DNAJC6: variants seen among roughly 807,000 people sequenced by gnomAD.
DNAJC6 encodes auxilin.
A neutral mutation model predicts 110.0 loss-of-function variants in DNAJC6; 34 were observed. That is an observed-to-expected ratio of 0.31 (90% CI 0.24 to 0.41). DNAJC6 has a LOEUF of 0.41. Among genes scored for constraint, DNAJC6 ranks in the 10% least tolerant of loss-of-function variants. The probability of loss-of-function intolerance (pLI) is 1.00; values close to 1 mark genes in which losing one functional copy is unlikely to be tolerated. For missense variants in DNAJC6, 1,031 were observed against 1,207.8 expected, an observed-to-expected ratio of 0.85 and a Z score of 2.17; for synonymous variants, 406 against 437.2, an observed-to-expected ratio of 0.93 and a Z score of 0.89.
chr1:65,396,384 T>C (rs1304264448), intron 13 of DNAJC6, among the ~76,000 whole-genome samples: 2 of 152,166 alleles, frequency 1.3e-5, no homozygotes, highest in African/African-American at 4.8e-5. Context: ...GTCCTTGAAA[T>C]GGCCTGTGTA....
intron 1 of DNAJC6, among the ~76,000 whole-genome samples, chr1:65,303,745 T>C (rs1420931121): frequency 6.6e-6 from 1 of 152,068 alleles, no homozygotes; most frequent in African/African-American, 2.4e-5. Context: ...TGTTTGTTTG[T>C]TTGTTTTTTA....
At position 65,375,573 on chromosome 1, in the gene DNAJC6, C is replaced by T. The variant is rs575573645; in HGVS notation, c.544-3829C>T. 2.0e-5 allele frequency among the ~76,000 whole-genome samples: 3 copies of T among 152,216 alleles called. No homozygotes were observed. The South Asian group carries it at 6.2e-4, about 32-fold the overall frequency. ...CCCGAGTAACTCGGACTACAGGCAC[C>T]TGCCACCACGCCCGGCTAATTTTTT... On this transcript the variant is annotated intron_variant, in intron 4 of 18. Coordinates refer to ENST00000371069, the MANE Select transcript of DNAJC6 (RefSeq NM_001256864.2).
At chr1:65,405,617 C>A (rs1302286717) in intron 15 of DNAJC6, among the ~76,000 whole-genome samples, 3 of 152,096 alleles carry the variant, frequency 2.0e-5, no homozygotes, top group African/African-American at 7.2e-5. Flanking sequence ...TGAGAAAAAT[C>A]ACTTAACTGC....
chr1:65,280,906 A>G (rs1392622153), intron 1 of DNAJC6, among the ~76,000 whole-genome samples: 1 of 152,150 alleles, frequency 6.6e-6, no homozygotes, highest in Non-Finnish European at 1.5e-5. Context: ...GGAAAATTAC[A>G]TGGCTAAAAA....
In DNAJC6 at chr1:65,411,445, G is replaced by A; in HGVS notation, c.2811+19G>A. ...AGATAAAGTGGGTATAACCTGCCCT[G>A]TTGTGTAACTTGTCAGGTCCTTGCT... On this transcript the variant is annotated intron_variant, in intron 18 of 18. Coordinates refer to ENST00000371069, the MANE Select transcript of DNAJC6 (RefSeq NM_001256864.2). The A allele has an allele frequency of 6.2e-7, 1 of 1,602,534 alleles. No homozygotes were observed. Among genetic ancestry groups the A allele is most frequent in the Non-Finnish European group, 8.5e-7 (1 of 1,171,574 alleles).
rs777577461 is a variant in DNAJC6 at position 65,413,642 on chromosome 1, TACC to T, written c.*622_*624del. The T allele has an allele frequency of 5.3e-5, 8 of 152,278 alleles. No individual in the cohort carries two copies. The highest frequency in any genetic ancestry group is 3.3e-4 in the Admixed American group (5 of 15,300). The allele number at this position is 152,278 out of a possible 1,614,324, so 9.4% of individuals were successfully genotyped here. A position where few individuals can be genotyped will look rare whatever the true frequency, so the allele number is the denominator to read the frequency against. On this transcript the variant is annotated 3_prime_UTR_variant, in exon 19 of 19. Transcript: ENST00000371069. ...AGTGATTAAACTACAGTCCAGTGAT[TACC>T]ACCAACTTTCTGACTAAGCTAAAAA...
intron 4 of DNAJC6, among the ~76,000 whole-genome samples, chr1:65,377,937 G>A (rs903792595): frequency 2.3e-4 from 35 of 152,130 alleles, no homozygotes; most frequent in Non-Finnish European, 4.0e-4. Context: ...AGCACTTCTT[G>A]TATCCTTCTA....
At chr1:65,400,429 C>G (rs1345106625) in intron 14 of DNAJC6, among the ~76,000 whole-genome samples, 1 of 152,050 alleles carries the variant, frequency 6.6e-6, no homozygotes, top group East Asian at 1.9e-4. Flanking sequence ...TGACTTATTC[C>G]TCCTTTCTAG....
Position 65,381,247 on chromosome 1 carries a change from T to C in DNAJC6, c.666+1723T>C, listed in dbSNP as rs1293271714. Among the ~76,000 whole-genome samples, 4 of 152,020 alleles carry C rather than the reference T, an allele frequency of 2.6e-5. No individual in the cohort carries two copies. The South Asian group carries it at 8.3e-4, about 31-fold the overall frequency. On this transcript the variant is annotated intron_variant, in intron 5 of 18. Coordinates refer to ENST00000371069, the MANE Select transcript of DNAJC6 (RefSeq NM_001256864.2). ...TATCTTAATATACTACTGGTTATTA[T>C]ATTAAAAATAATAAGCATAGTGGGG...
At chr1:65,388,493 A>ATGCTACAGCCTGGT in intron 9 of DNAJC6, 78 bp downstream of exon 9, 1 of 1,326,528 alleles carries the variant, frequency 7.5e-7, no homozygotes, top group South Asian at 1.2e-5. Flanking sequence ...ACCAGGCTGT[A>ATGCTACAGCCTGGT]GCATACCCTG....
intron 1 of DNAJC6, among the ~76,000 whole-genome samples, chr1:65,320,670 C>T (rs538935007): frequency 1.6e-4 from 25 of 152,206 alleles, no homozygotes; most frequent in African/African-American, 5.5e-4. Context: ...ATACAGTAGA[C>T]GATAAGATAG....
At chr1:65,366,822 A>G (rs1645651283) in intron 4 of DNAJC6, among the ~76,000 whole-genome samples, 7 of 152,176 alleles carry the variant, frequency 4.6e-5, no homozygotes, top group Admixed American at 3.3e-4. Flanking sequence ...GCCTTCAGAT[A>G]TGATTGGTTC....
At chr1:65,355,264 CAAAAAAAA>C (rs58338708) in intron 1 of DNAJC6, among the ~76,000 whole-genome samples, 5 of 84,232 alleles carry the variant, frequency 5.9e-5, no homozygotes, top group Admixed American at 4.0e-4. Context: ...CACCCTGTCT[CAAAAAAAA>C]AAAAAAAAAA....
At position 65,372,660 on chromosome 1, in the gene DNAJC6, G is replaced by A. The variant is rs561131439; in HGVS notation, c.543+6464G>A. Among the ~76,000 whole-genome samples, 8 of 152,098 alleles carry A rather than the reference G, an allele frequency of 5.3e-5. No individual in the cohort carries two copies. In the East Asian group the frequency reaches 1.5e-3, roughly 29 times the overall value. Reference sequence around the variant, plus strand: ...TGAGGCCTGGAGAGGTTAGTAAATTGCCTAAGGTTAATCAAGTAGTAAATG... The same window carrying A: ...TGAGGCCTGGAGAGGTTAGTAAATTACCTAAGGTTAATCAAGTAGTAAATG... On this transcript the variant is annotated intron_variant, in intron 4 of 18. Coordinates refer to ENST00000371069, the MANE Select transcript of DNAJC6 (RefSeq NM_001256864.2).
intron 14 of DNAJC6, among the ~76,000 whole-genome samples, chr1:65,400,167 G>A (rs1438583105): frequency 6.6e-6 from 1 of 152,154 alleles, no homozygotes; most frequent in African/African-American, 2.4e-5. Context: ...GTGACAGAGT[G>A]AGAAACCTGT....
At chr1:65,371,107 A>C (rs558368694) in intron 4 of DNAJC6, among the ~76,000 whole-genome samples, 6 of 152,364 alleles carry the variant, frequency 3.9e-5, no homozygotes, top group Non-Finnish European at 8.8e-5. Flanking sequence ...GGTAAAATAC[A>C]GCCATCACTT....
intron 1 of DNAJC6, among the ~76,000 whole-genome samples, chr1:65,280,588 C>T (rs974448768): frequency 1.3e-5 from 2 of 152,182 alleles, no homozygotes; most frequent in African/African-American, 2.4e-5. Context: ...CTTCTTCTCT[C>T]TCTCTTTCAG....
chr1:65,308,456 G>A (rs990651467), upstream of DNAJC6, among the ~76,000 whole-genome samples: 2 of 152,080 alleles, frequency 1.3e-5, no homozygotes, highest in African/African-American at 2.4e-5. Flanking sequence ...ATTATTTTAG[G>A]TGAAAATAAA....
chr1:65,376,032 A>G (rs1021765001), intron 4 of DNAJC6, among the ~76,000 whole-genome samples: 2 of 152,122 alleles, frequency 1.3e-5, no homozygotes, highest in African/African-American at 4.8e-5. Flanking sequence ...CCTTTCTTTG[A>G]TAGGAGAATT....
Sources: allele counts gnomAD v4.1 joint callset (sites outside exome capture counted in the v4.1 genomes callset), GRCh38; gene constraint gnomAD v4.1.1; transcripts MANE v1.5; gene names NCBI Gene and HGNC (gene_info 2026-07-23, HGNC 2026-07-21).